The following TMEM212 variants were observed in gnomAD, a reference collection of about 807,000 sequenced individuals.
TMEM212 encodes the protein transmembrane protein 212.
Under a neutral mutation model 20.5 loss-of-function variants are expected in TMEM212, and 23 were observed. The ratio of observed to expected loss-of-function variants is 1.12; its 90% CI spans 0.81 to 1.59. TMEM212 has a LOEUF of 1.59. Among genes scored for constraint, TMEM212 ranks in the 40% most tolerant of loss-of-function variants. The probability of loss-of-function intolerance (pLI) is 0.00; values close to 1 mark genes in which losing one functional copy is unlikely to be tolerated. For missense variants in TMEM212, 211 were observed against 215.0 expected (o/e 0.98, Z 0.12); for synonymous variants, 76 against 81.6 (o/e 0.93, Z 0.37).
intron 4 of TMEM212, 39 bp from the exon 5 acceptor site, chr3:171,858,022 T>C (rs572361618): frequency 6.6e-6 from 1 of 151,990 alleles, no homozygotes; most frequent in Non-Finnish European, 1.5e-5. Flanking sequence ...TTCAATGCCA[T>C]CCCATCAAGC....
At chr3:171,857,600 G>C (rs912924386) in intron 4 of TMEM212, among the ~76,000 whole-genome samples, 2 of 152,030 alleles carry the variant, frequency 1.3e-5, no homozygotes, top group African/African-American at 2.4e-5. Context: ...TCAACAAAAT[G>C]AAAAAGCAGC....
intron 3 of TMEM212, among the ~76,000 whole-genome samples, chr3:171,854,064 G>A (rs1725056180): frequency 6.6e-6 from 1 of 152,038 alleles, no homozygotes; most frequent in Non-Finnish European, 1.5e-5. Context: ...ATGGCCGTAG[G>A]TAGCACCAGC....
intron 2 of TMEM212, 76 bp downstream of exon 2, chr3:171,852,117 T>TA: frequency 2.6e-6 from 3 of 1,136,134 alleles, no homozygotes; most frequent in Non-Finnish European, 3.8e-6. Flanking sequence ...GGATGGAACA[T>TA]AAAAAATATG....
chr3:171,845,192 T>C (rs535605533), intron 1 of TMEM212, among the ~76,000 whole-genome samples: 6 of 152,334 alleles, frequency 3.9e-5, no homozygotes, highest in African/African-American at 1.4e-4. Flanking sequence ...CCAAACTTTT[T>C]TTTGGTGACT....
rs1560329128 is a variant in TMEM212, at chr3:171,858,397, C to A, written c.*340C>A. The A allele has an allele frequency of 6.6e-6, 1 of 152,082 alleles. No homozygotes were observed. Among genetic ancestry groups the A allele is most frequent in the East Asian group, 1.9e-4 (1 of 5,202 alleles). 9.4% of individuals were successfully genotyped at this position (152,082 alleles called of 1,614,324 possible). A position where few individuals can be genotyped will look rare whatever the true frequency, so the allele number is the denominator to read the frequency against. ...TAGAAAGCTGAAACTGGATCCCTTC[C>A]TTACACCTTATATAAAAATTAACTC... On this transcript the variant is annotated 3_prime_UTR_variant, in exon 5 of 5. Transcript: ENST00000334567.
In TMEM212 at chr3:171,843,482, C is replaced by T. The variant is rs770312682; in HGVS notation, c.99C>T (p.Tyr33=). The T allele has an allele frequency of 1.8e-5, 28 of 1,536,998 alleles. 1 individual carries two copies. The South Asian group carries it at 3.2e-4, about 18-fold the overall frequency. ...TTGCTTTCTTTCCTGTCTTTTCTTA[C>T]AAGCCTTGGTTCACAGGATGGAGTG... ...GVIAFFPVFS[Y]KPWFTGWSVR... is the part of the protein sequence containing the mutation. Residue 33 remains tyrosine (Y), a synonymous_variant, in exon 1 of 5, where the codon TAC becomes TAT. Coordinates refer to ENST00000334567, the MANE Select transcript of TMEM212 (RefSeq NM_001164436.2).
intron 1 of TMEM212, among the ~76,000 whole-genome samples, chr3:171,850,955 C>T (rs981618306): frequency 6.6e-6 from 1 of 152,120 alleles, no homozygotes; most frequent in African/African-American, 2.4e-5. Context: ...ATAAATATGC[C>T]ACATCCAGCT....
intron 4 of TMEM212, chr3:171,856,956 T>C (rs1452852814): frequency 6.5e-6 from 2 of 305,368 alleles, no homozygotes; most frequent in East Asian, 1.1e-4. Context: ...TGGGAACTAG[T>C]AAAATCACCT....
rs1186522654 is a variant in TMEM212 at position 171,853,785 on chromosome 3, C to T, written c.478C>T (p.Leu160Phe). ...ALDLCLSFTL[L>F]CTSLTVFIKL... ...AGACCTGTGCCTAAGCTTTACCCTA[C>T]TCTGTACATCCTTGACAGTGTTCAT... Residue 160 changes from leucine (L) to phenylalanine (F), a missense_variant, in exon 3 of 5, where the codon CTC (leucine) becomes TTC (phenylalanine). Coordinates refer to ENST00000334567, the MANE Select transcript of TMEM212 (RefSeq NM_001164436.2). 2 of 1,537,206 alleles carry T rather than the reference C, an allele frequency of 1.3e-6. No individual in the cohort carries two copies. Among genetic ancestry groups the T allele is most frequent in the Admixed American group, 2.0e-5 (1 of 50,972 alleles).
rs553277479 is a variant in TMEM212, at chr3:171,846,850, C to T, written c.159+3308C>T. ...AGTCTCTGACTCATTCCACAACCTC[C>T]CTTACCAATCACTTCTTAACTTGCC... On this transcript the variant is annotated intron_variant, in intron 1 of 4. Coordinates refer to ENST00000334567, the MANE Select transcript of TMEM212 (RefSeq NM_001164436.2). 8.5e-5 allele frequency among the ~76,000 whole-genome samples: 13 copies of T among 152,306 alleles called. 1 individual carries two copies. The highest frequency in any genetic ancestry group is 3.1e-4 in the African/African-American group (13 of 41,576).
intron 2 of TMEM212, 26 bp downstream of exon 2, chr3:171,852,067 T>C (rs1212871788): frequency 2.0e-6 from 3 of 1,521,134 alleles, no homozygotes; most frequent in Admixed American, 2.0e-5. Flanking sequence ...CCAAGTAGGA[T>C]GGTAGAGAGG....
In TMEM212 at chr3:171,844,654, C is replaced by T. The variant is rs553423432; in HGVS notation, c.159+1112C>T. ...CTGGGAGGCAGAGTTTGCAGTGAGC[C>T]GAGATCATACCACTGCACTCCAGCC... On this transcript the variant is annotated intron_variant, in intron 1 of 4. Transcript: ENST00000334567. 5.9e-5 allele frequency among the ~76,000 whole-genome samples: 9 copies of T among 151,996 alleles called. No individual in the cohort carries two copies. The East Asian group carries it at 1.4e-3, about 23-fold the overall frequency.
At chr3:171,849,896 G>A (rs994599579) in intron 1 of TMEM212, among the ~76,000 whole-genome samples, 14 of 151,998 alleles carry the variant, frequency 9.2e-5, no homozygotes. Context: ...GAGAGCTGAG[G>A]GAGGCGAGTG....
intron 1 of TMEM212, among the ~76,000 whole-genome samples, chr3:171,845,231 A>T (rs1243037285): frequency 6.6e-6 from 1 of 152,128 alleles, no homozygotes; most frequent in Non-Finnish European, 1.5e-5. Context: ...TTAGGTGAGG[A>T]CCCAGAATGT....
At chr3:171,846,922 A>C (rs1347074734) in intron 1 of TMEM212, among the ~76,000 whole-genome samples, 1 of 152,206 alleles carries the variant, frequency 6.6e-6, no homozygotes, top group Non-Finnish European at 1.5e-5. Context: ...CATTTCAACC[A>C]TATTAACATT....
chr3:171,847,635 G>A (rs1181995498), intron 1 of TMEM212, among the ~76,000 whole-genome samples: 1 of 152,172 alleles, frequency 6.6e-6, no homozygotes, highest in African/African-American at 2.4e-5. Context: ...GAGCAAATGG[G>A]AATTTATAGC....
chr3:171,843,626 A>G, intron 1 of TMEM212, 84 bp downstream of exon 1: 2 of 1,236,954 alleles, frequency 1.6e-6, no homozygotes, highest in Non-Finnish European at 2.2e-6. Flanking sequence ...ATCCTTTTAA[A>G]TTGTTCTAAC....
chr3:171,857,477 T>C (rs1725147124), intron 4 of TMEM212, among the ~76,000 whole-genome samples: 1 of 152,166 alleles, frequency 6.6e-6, no homozygotes, highest in Non-Finnish European at 1.5e-5. Flanking sequence ...CCATTGACAT[T>C]TGTCTTAGCA....
At chr3:171,851,531 A>C (rs1724976376) in intron 1 of TMEM212, among the ~76,000 whole-genome samples, 1 of 152,240 alleles carries the variant, frequency 6.6e-6, no homozygotes, top group South Asian at 2.1e-4. Context: ...ATGGAATCTC[A>C]AAAGAAAGCA....
Sources: allele counts gnomAD v4.1 joint callset (sites outside exome capture counted in the v4.1 genomes callset), GRCh38; gene constraint gnomAD v4.1.1; transcripts MANE v1.5; gene names NCBI Gene and HGNC (gene_info 2026-07-23, HGNC 2026-07-21).